The following NFATC2 variants were observed in gnomAD, a reference collection of about 807,000 sequenced individuals.
The protein encoded by NFATC2 is nuclear factor of activated T cells 2.
Under a neutral mutation model 87.3 loss-of-function variants are expected in NFATC2, and 22 were observed. That is an observed-to-expected ratio of 0.25 (90% confidence interval 0.18 to 0.36). The LOEUF is 0.36. Ranked by LOEUF, NFATC2 falls within the 10% of genes least tolerant of loss-of-function variation. NFATC2 has a pLI of 1.00. For missense variants in NFATC2, 1,149 were observed against 1,259.1 expected, an observed-to-expected ratio of 0.91 and a Z score of 1.32; for synonymous variants, 565 against 542.2, an observed-to-expected ratio of 1.04 and a Z score of -0.58.
chr20:51,458,136 C>G (rs1305250320), intron 5 of NFATC2, among the ~76,000 whole-genome samples: 1 of 152,138 alleles, frequency 6.6e-6, no homozygotes, highest in Non-Finnish European at 1.5e-5. Context: ...CTCGGCCTCC[C>G]GAAGTGTTGG....
At chr20:51,509,444 T>G (rs2076237796) in intron 3 of NFATC2, among the ~76,000 whole-genome samples, 1 of 152,110 alleles carries the variant, frequency 6.6e-6, no homozygotes, top group African/African-American at 2.4e-5. Context: ...TGAACCCCAG[T>G]GATCTCAGAA....
chr20:51,478,711 T>G (rs1264472981), intron 3 of NFATC2, among the ~76,000 whole-genome samples: 1 of 152,202 alleles, frequency 6.6e-6, no homozygotes, highest in African/African-American at 2.4e-5. Flanking sequence ...AGACTTCCTG[T>G]GGCCTTATAT....
rs2076474932 is a variant in NFATC2 at position 51,523,064 on chromosome 20, T to C, written c.1160+17A>G. The C allele has an allele frequency of 6.2e-7, 1 of 1,613,906 alleles. No individual in the cohort carries two copies. Among genetic ancestry groups the C allele is most frequent in the Non-Finnish European group, 8.5e-7 (1 of 1,180,016 alleles). ...AAACTAAACCACAGAATCAATCATT[T>C]TCAAAGCCCTGCTCACCTGCAGATG... On this transcript the variant is annotated intron_variant, in intron 2 of 10. Coordinates refer to ENST00000371564, the MANE Select transcript of NFATC2 (RefSeq NM_012340.5). This position sits in a 1 kb window ranked among gnomAD's most constrained non-coding sequence, Gnocchi z 6.9.
intron 4 of NFATC2, among the ~76,000 whole-genome samples, chr20:51,474,971 A>ATTTT (rs370019272): frequency 7.1e-6 from 1 of 141,288 alleles, no homozygotes; most frequent in Non-Finnish European, 1.5e-5. Flanking sequence ...TACTTTATTT[A>ATTTT]TTTTTTTTTT....
At chr20:51,430,701 G>A (rs1982578811) in intron 9 of NFATC2, among the ~76,000 whole-genome samples, 1 of 152,172 alleles carries the variant, frequency 6.6e-6, no homozygotes, top group South Asian at 2.1e-4. Flanking sequence ...AACCTGGCTT[G>A]TCAAGACGTT....
chr20:51,445,551 AC>A (rs1367725806), intron 6 of NFATC2, among the ~76,000 whole-genome samples: 2 of 152,232 alleles, frequency 1.3e-5, no homozygotes, highest in Non-Finnish European at 2.9e-5. Flanking sequence ...TATAGAACAT[AC>A]TTTTACTAAA....
intron 1 of NFATC2, among the ~76,000 whole-genome samples, chr20:51,534,652 T>C (rs540756133): frequency 7.4e-4 from 113 of 152,324 alleles, no homozygotes; most frequent in Non-Finnish European, 1.4e-3. Context: ...TTTTAAAATA[T>C]GCATCACTTA....
intron 3 of NFATC2, among the ~76,000 whole-genome samples, chr20:51,479,264 G>A (rs896332190): frequency 2.0e-5 from 3 of 152,136 alleles, no homozygotes; most frequent in African/African-American, 7.2e-5. Flanking sequence ...ACAGCAGTAG[G>A]GACCTTGCTA....
intron 9 of NFATC2, among the ~76,000 whole-genome samples, chr20:51,425,295 A>G (rs1169342768): frequency 1.3e-5 from 2 of 152,246 alleles, no homozygotes; most frequent in East Asian, 1.9e-4. Flanking sequence ...AGCCCTCCCA[A>G]CGGGGGCCTG....
rs1985850698 is a variant in NFATC2, at chr20:51,387,151, A to T, written c.*4345T>A. On this transcript the variant is annotated 3_prime_UTR_variant, in exon 11 of 11. Transcript: ENST00000371564. ...CTGCCAGCACCACCATGTTGGAGAG[A>T]CCTGTTTGTTGGAGAATTGGTTTTC... 1.3e-5 allele frequency: 2 copies of T among 152,130 alleles called. No homozygotes were observed. Among genetic ancestry groups the T allele is most frequent in the Non-Finnish European group, 2.9e-5 (2 of 68,028 alleles). 9.4% of individuals were successfully genotyped at this position (152,130 alleles called of 1,614,324 possible).
intron 6 of NFATC2, among the ~76,000 whole-genome samples, chr20:51,437,577 C>A (rs966367884): frequency 6.6e-6 from 1 of 152,146 alleles, no homozygotes; most frequent in Non-Finnish European, 1.5e-5. Context: ...TCCCACCCAC[C>A]TCCCCCATGA....
intron 1 of NFATC2, among the ~76,000 whole-genome samples, chr20:51,561,044 T>G (rs929336282): frequency 1.3e-5 from 2 of 152,066 alleles, no homozygotes; most frequent in Non-Finnish European, 2.9e-5. Context: ...GTTTCAGTAT[T>G]TATGACAGTA....
At chr20:51,470,689 A>C (rs1020887497) in intron 5 of NFATC2, among the ~76,000 whole-genome samples, 2 of 152,200 alleles carry the variant, frequency 1.3e-5, no homozygotes, top group Non-Finnish European at 2.9e-5. Flanking sequence ...GTCATTAGTA[A>C]CAATGTATTT....
chr20:51,543,699 G>C (rs941058945), upstream of NFATC2, among the ~76,000 whole-genome samples: 2 of 152,150 alleles, frequency 1.3e-5, no homozygotes, highest in East Asian at 1.9e-4. Context: ...ATACAGACTC[G>C]TGAATGTGTA....
At chr20:51,556,753 A>G (rs1318017704) in intron 1 of NFATC2, among the ~76,000 whole-genome samples, 1 of 152,206 alleles carries the variant, frequency 6.6e-6, no homozygotes, top group Admixed American at 6.5e-5. Flanking sequence ...CCAGCATGGA[A>G]GCAGCAATTT....
chr20:51,426,605 G>C (rs1333834708), intron 9 of NFATC2, among the ~76,000 whole-genome samples: 1 of 152,184 alleles, frequency 6.6e-6, no homozygotes, highest in Non-Finnish European at 1.5e-5. Flanking sequence ...TCATTCTACA[G>C]ATGGGGACAT....
In NFATC2 at chr20:51,432,271, C is replaced by T; in HGVS notation, c.2518G>A (p.Gly840Ser). 2.5e-6 allele frequency: 4 copies of T among 1,614,184 alleles called. No individual in the cohort carries two copies. The highest frequency in any genetic ancestry group is 3.4e-6 in the Non-Finnish European group (4 of 1,180,016). The change falls in exon 9 of 11, where the codon GGC (glycine) becomes AGC (serine). Residue 840 changes from glycine (G) to serine (S), a missense_variant. Gly to Ser is a moderately conservative substitution (Grantham distance 56). Coordinates refer to ENST00000371564, the MANE Select transcript of NFATC2 (RefSeq NM_012340.5). This position sits in a 1 kb window ranked among gnomAD's most constrained non-coding sequence, Gnocchi z 4.6. ...GGGGGCGGGCCAGGTCTGGTGGTGC[C>T]TGGTGCGAAATTCTCGCAGTACATG... is the stretch of plus-strand genomic sequence containing the variant. ...HIMYCENFAP[G>S]TTRPGPPPVS...
At chr20:51,485,941 A>C (rs1872387245) in intron 3 of NFATC2, among the ~76,000 whole-genome samples, 1 of 152,126 alleles carries the variant, frequency 6.6e-6, no homozygotes, top group African/African-American at 2.4e-5. Context: ...CTAACATGTC[A>C]TGATCTTCAG....
chr20:51,556,758 C>A (rs1436512440), intron 1 of NFATC2, among the ~76,000 whole-genome samples: 1 of 152,174 alleles, frequency 6.6e-6, no homozygotes, highest in Non-Finnish European at 1.5e-5. Flanking sequence ...ATGGAAGCAG[C>A]AATTTTGCTG....
Sources: gnomAD v4.1 joint callset for allele counts (sites outside exome capture counted in the v4.1 genomes callset) on GRCh38, gnomAD v4.1.1 for gene constraint, Gnocchi (gnomAD v3.1) non-coding constraint, MANE v1.5 for transcripts, NCBI Gene and HGNC (gene_info 2026-07-23, HGNC 2026-07-21) for gene names.